NUFIP2: variants seen among roughly 807,000 people sequenced by gnomAD.
The protein encoded by NUFIP2 is FMR1-interacting protein NUFIP2.
A neutral mutation model predicts 56.9 loss-of-function variants in NUFIP2; 6 were observed. The observed-to-expected ratio is 0.11, with a 90% confidence interval of 0.06 to 0.21. NUFIP2 has a LOEUF of 0.21. Ranked by LOEUF, NUFIP2 falls within the 10% of genes least tolerant of loss-of-function variation. The pLI, the probability that NUFIP2 is intolerant of heterozygous loss-of-function variation, is 1.00. For synonymous variants in NUFIP2, 321 were observed against 298.2 expected, an observed-to-expected ratio of 1.08 and a Z score of -0.79; for missense variants, 828 against 826.8, an observed-to-expected ratio of 1.00 and a Z score of -0.02.
intron 2 of NUFIP2, among the ~76,000 whole-genome samples, chr17:29,284,466 G>GAAGC (rs1462118994): frequency 6.6e-5 from 10 of 152,062 alleles, no homozygotes; most frequent in Admixed American, 2.0e-4. Flanking sequence ...AGCACTTTGG[G>GAAGC]AGACCCAGGT....
intron 3 of NUFIP2, among the ~76,000 whole-genome samples, chr17:29,266,173 C>T (rs1217941256): frequency 2.0e-5 from 3 of 152,080 alleles, no homozygotes; most frequent in African/African-American, 7.2e-5. Flanking sequence ...ACCATGTTGG[C>T]CAGGCTGGTC....
chr17:29,286,432 G>A lies in NUFIP2; in HGVS notation c.1562C>T (p.Thr521Ile). 1 of 1,614,056 alleles carries A rather than the reference G, an allele frequency of 6.2e-7. No individual in the cohort carries two copies. The highest frequency in any genetic ancestry group is 1.3e-5 in the African/African-American group (1 of 75,028). ...ATGCTCTGATGACTTCCCAGTAACA[G>A]TCTCAGGGCCAGCACTGGGCTCATT... Reference protein sequence around the residue: ...FINEPSAGPETVTGKSSEHKV... With the variant: ...FINEPSAGPEIVTGKSSEHKV... The change falls in exon 2 of 4, where the codon ACT becomes ATT. Residue 521 changes from threonine to isoleucine, a missense_variant. Coordinates refer to ENST00000225388, the MANE Select transcript of NUFIP2 (RefSeq NM_020772.3).
intron 1 of NUFIP2, among the ~76,000 whole-genome samples, chr17:29,291,904 T>C (rs2069216083): frequency 6.6e-6 from 1 of 152,028 alleles, no homozygotes. Flanking sequence ...CATTCTAATT[T>C]CAGTCTTCAA....
At chr17:29,281,044 T>C (rs558785840) in intron 2 of NUFIP2, among the ~76,000 whole-genome samples, 7 of 150,834 alleles carry the variant, frequency 4.6e-5, no homozygotes, top group Middle Eastern at 3.5e-3. Context: ...CCTGTAATCC[T>C]AGCACTTTGG....
At chr17:29,283,689 AAT>A (rs1263346537) in intron 2 of NUFIP2, among the ~76,000 whole-genome samples, 1 of 152,244 alleles carries the variant, frequency 6.6e-6, no homozygotes, top group Non-Finnish European at 1.5e-5. Flanking sequence ...ATTTTCCAGT[AAT>A]AGTCTCTAGA....
In NUFIP2 at chr17:29,262,248, TAG is replaced by T. The variant is rs1455888347; in HGVS notation, c.*2289_*2290del. Reference sequence around the variant, plus strand: ...AAAATGGACATTTAAAAAAGGGGACTAGAGAGGGGAATCTGGCCCTAAGGCGA... The same window carrying T: ...AAAATGGACATTTAAAAAAGGGGACTAGAGGGGAATCTGGCCCTAAGGCGA... On this transcript the variant is annotated 3_prime_UTR_variant, in exon 4 of 4. Transcript: ENST00000225388. The T allele has an allele frequency of 6.6e-6, 1 of 152,516 alleles. No homozygotes were observed. Among genetic ancestry groups the T allele is most frequent in the East Asian group, 1.9e-4 (1 of 5,196 alleles). The allele number at this position is 152,516 out of a possible 1,614,324, so 9.4% of individuals were successfully genotyped here.
chr17:29,277,327 A>T (rs2069113863), intron 2 of NUFIP2, among the ~76,000 whole-genome samples: 1 of 152,164 alleles, frequency 6.6e-6, no homozygotes, highest in Non-Finnish European at 1.5e-5. Flanking sequence ...TGAACCTAGA[A>T]CATCTTTTAA....
chr17:29,272,852 T>TC (rs2069083871), intron 2 of NUFIP2, among the ~76,000 whole-genome samples: 1 of 151,198 alleles, frequency 6.6e-6, no homozygotes, highest in Non-Finnish European at 1.5e-5. Context: ...TTTTTTTTTT[T>TC]CTTTTCTTTT....
intron 2 of NUFIP2, 102 bp from the exon 3 acceptor site, chr17:29,267,632 G>T: frequency 4.5e-6 from 3 of 666,496 alleles, no homozygotes; most frequent in Non-Finnish European, 5.0e-6. Context: ...ATTACTGCCA[G>T]ACTGGAGGTA....
chr17:29,285,933 T>C (rs2069170606), intron 2 of NUFIP2, 59 bp downstream of exon 2: 3 of 1,283,116 alleles, frequency 2.3e-6, no homozygotes, highest in Admixed American at 4.5e-5. Flanking sequence ...ATTCTCTTAA[T>C]ATAAACAATA....
rs3085674 is a variant in NUFIP2 at position 29,273,015 on chromosome 17, A to AATAT, written c.2003-5489_2003-5486dup. ...CAGGCACACGCCACCAGGCCCAGCT[A>AATAT]ATATATATATATATATATACACACA... On this transcript the variant is annotated intron_variant, in intron 2 of 3. Transcript: ENST00000225388. 3.6e-3 allele frequency among the ~76,000 whole-genome samples: 518 copies of AATAT among 145,264 alleles called. 5 individuals carry two copies. Among genetic ancestry groups the AATAT allele is most frequent in the South Asian group, 0.022 (101 of 4,498 alleles).
intron 1 of NUFIP2, among the ~76,000 whole-genome samples, chr17:29,288,288 G>A (rs947064093): frequency 5.3e-5 from 8 of 152,178 alleles, no homozygotes; most frequent in South Asian, 2.1e-4. Context: ...CTTGTGATCC[G>A]CCCGTCTCGG....
intron 1 of NUFIP2, among the ~76,000 whole-genome samples, chr17:29,288,903 C>T (rs1389393670): frequency 6.6e-6 from 1 of 152,222 alleles, no homozygotes; most frequent in Non-Finnish European, 1.5e-5. Flanking sequence ...GTAAACATAG[C>T]ACTTTGGGAG....
chr17:29,282,733 A>G (rs1291601463), intron 2 of NUFIP2, among the ~76,000 whole-genome samples: 1 of 152,154 alleles, frequency 6.6e-6, no homozygotes, highest in African/African-American at 2.4e-5. Context: ...TTCTAAGCCC[A>G]ACTTCAACTA....
chr17:29,264,487 T>G lies in NUFIP2; in HGVS notation c.*52A>C. The G allele has an allele frequency of 7.8e-7, 1 of 1,289,680 alleles. No individual in the cohort carries two copies. The highest frequency in any genetic ancestry group is 1.2e-5 in the South Asian group (1 of 82,018). 79.9% of individuals were successfully genotyped at this position (1,289,680 alleles called of 1,614,324 possible). A position where few individuals can be genotyped will look rare whatever the true frequency, so the allele number is the denominator to read the frequency against. On this transcript the variant is annotated 3_prime_UTR_variant, in exon 4 of 4. Transcript: ENST00000225388. The stretch of plus-strand genomic sequence containing the variant: ...GAGCATAAAAGCCTTGTGTCCCCCA[T>G]GAACGATGGCTCTAATGCTGCAGAA...
Position 29,287,395 on chromosome 17 carries a change from T to C in NUFIP2, c.599A>G (p.Asn200Ser). The change falls in exon 2 of 4, where the codon AAT becomes AGT. Residue 200 changes from asparagine to serine, a missense_variant. Physicochemically the swap from Asn to Ser is conservative, Grantham distance 46. Transcript: ENST00000225388. ...ATCTGCTCCTTTACCCATATAACCA[T>C]TAGTAATATAACCAGAATTATTTGT... is the stretch of plus-strand genomic sequence containing the variant. The part of the protein sequence containing the change: ...VVTNNSGYIT[N>S]GYMGKGADND... The C allele has an allele frequency of 6.2e-7, 1 of 1,613,674 alleles. No homozygotes were observed. Among genetic ancestry groups the C allele is most frequent in the Non-Finnish European group, 8.5e-7 (1 of 1,179,576 alleles).
At chr17:29,268,785 C>T (rs182168170) in intron 2 of NUFIP2, among the ~76,000 whole-genome samples, 2,132 of 151,966 alleles carry the variant, frequency 0.014, 53 homozygotes, top group African/African-American at 0.048. Flanking sequence ...CACCTCAGCC[C>T]CCCAAAGTGC....
Position 29,286,923 on chromosome 17 carries a change from A to G in NUFIP2, c.1071T>C (p.Ser357=), listed in dbSNP as rs763696866. Residue 357 remains serine (S), a synonymous_variant, in exon 2 of 4, where the codon AGT becomes AGC. Transcript: ENST00000225388. ...GGTTTTCCTTAACTTTGCTTGCATA[A>G]CTTATTTTAGGAACTATTTTAGCAC... ...NSSAKIVPKI[S]YASKVKENLN... The G allele has an allele frequency of 6.2e-7, 1 of 1,614,182 alleles. No individual in the cohort carries two copies. The highest frequency in any genetic ancestry group is 8.5e-7 in the Non-Finnish European group (1 of 1,180,028).
intron 2 of NUFIP2, among the ~76,000 whole-genome samples, chr17:29,283,992 CA>C: frequency 6.6e-6 from 1 of 152,150 alleles, no homozygotes; most frequent in African/African-American, 2.4e-5. Flanking sequence ...CAATGTCTTC[CA>C]GCTTGCAGAT....
Sources: allele counts gnomAD v4.1 joint callset (sites outside exome capture counted in the v4.1 genomes callset), GRCh38; gene constraint gnomAD v4.1.1; transcripts MANE v1.5; gene names NCBI Gene and HGNC (gene_info 2026-07-23, HGNC 2026-07-21).